Variants in VPS13D observed in about 807,000 individuals in gnomAD.
The protein encoded by VPS13D is intermembrane lipid transfer protein VPS13D.
Under a neutral mutation model 461.9 loss-of-function variants are expected in VPS13D, and 187 were observed. The ratio of observed to expected loss-of-function variants is 0.40; its 90% CI spans 0.36 to 0.46. The LOEUF is 0.46. Among genes scored for constraint, VPS13D ranks in the 20% least tolerant of loss-of-function variants. VPS13D has a pLI of 0.60. For synonymous variants in VPS13D, 1,951 were observed against 1,986.3 expected, an observed-to-expected ratio of 0.98 and a Z score of 0.47; for missense variants, 4,711 against 5,364.9, an observed-to-expected ratio of 0.88 and a Z score of 3.81.
At chr1:12,460,911 C>T (rs935303822) in intron 67 of VPS13D, among the ~76,000 whole-genome samples, 1 of 152,072 alleles carries the variant, frequency 6.6e-6, no homozygotes. Flanking sequence ...AAAGTATCAG[C>T]CCCAACCCCA....
rs141766764 is a variant in VPS13D at position 12,237,063 on chromosome 1, G to GTA, written c.97+2710_97+2711dup. ...GACTTCAAAGAGATTGTGTGTGTGT[G>GTA]TATATATATATCTGTGTATGTATAT... On this transcript the variant is annotated intron_variant, in intron 2 of 69. Coordinates refer to ENST00000620676, the MANE Select transcript of VPS13D (RefSeq NM_015378.4). 7.9e-5 allele frequency among the ~76,000 whole-genome samples: 12 copies of GTA among 151,380 alleles called. 1 individual carries two copies. In the East Asian group the frequency reaches 1.2e-3, roughly 15 times the overall value.
At chr1:12,258,671 T>G (rs893367931) in intron 10 of VPS13D, among the ~76,000 whole-genome samples, 5 of 152,208 alleles carry the variant, frequency 3.3e-5, no homozygotes, top group Non-Finnish European at 7.3e-5. Context: ...TGCTCTCTTT[T>G]GGGGGAAGGT....
At chr1:12,252,430 A>G (rs1276915215) in intron 6 of VPS13D, among the ~76,000 whole-genome samples, 3 of 152,076 alleles carry the variant, frequency 2.0e-5, no homozygotes, top group Admixed American at 6.5e-5. Flanking sequence ...ACCCTTCCAT[A>G]TCCTCAGGTT....
chr1:12,249,679 A>C (rs550357910), intron 6 of VPS13D: 1 of 166,712 alleles, frequency 6.0e-6, no homozygotes, highest in African/African-American at 2.4e-5. Context: ...GGAATATTTG[A>C]TGATGGCTTC....
rs570213911 is a variant in VPS13D, at chr1:12,391,257, G to A, written c.11634+4923G>A. Among the ~76,000 whole-genome samples the A allele has an allele frequency of 2.6e-5, 4 of 152,358 alleles. No homozygotes were observed. In the East Asian group the frequency reaches 5.8e-4, roughly 22 times the overall value. ...TTCGGGGATGTCCTAGAAAGGGGCT[G>A]TAGTGCTGCAGCTGTCCACTTTTGG... On this transcript the variant is annotated intron_variant, in intron 60 of 69. Coordinates refer to ENST00000620676, the MANE Select transcript of VPS13D (RefSeq NM_015378.4).
At chr1:12,293,733 T>C (rs768521687) in intron 24 of VPS13D, 29 bp downstream of exon 24, 9 of 1,601,248 alleles carry the variant, frequency 5.6e-6, no homozygotes, top group South Asian at 1.1e-5. Flanking sequence ...CCAAGCTGCT[T>C]TTCCAGTTTG....
chr1:12,504,905 G>A (rs1478658053), intron 68 of VPS13D, among the ~76,000 whole-genome samples: 2 of 152,180 alleles, frequency 1.3e-5, no homozygotes, highest in African/African-American at 4.8e-5. Flanking sequence ...ACATGTAAAT[G>A]TCAGCTATGT....
chr1:12,372,712 T>A (rs1459859408), intron 54 of VPS13D, among the ~76,000 whole-genome samples: 2 of 152,078 alleles, frequency 1.3e-5, no homozygotes, highest in East Asian at 3.8e-4. Flanking sequence ...TTTGGTCACA[T>A]ATAATTTATC....
chr1:12,237,147 G>GTA (rs141683005), intron 2 of VPS13D, among the ~76,000 whole-genome samples: 12,535 of 151,700 alleles, frequency 0.083, 913 homozygotes, highest in African/African-American at 0.18. Context: ...ATGTGTGTGT[G>GTA]TATATATATG....
Position 12,400,276 on chromosome 1 carries a change from G to T in VPS13D, c.11730G>T (p.Val3910=). The stretch of plus-strand genomic sequence containing the variant: ...AGGTCATCGAGACCGGCCCAGCTGT[G>T]CAAGTCAACGCAGTGAAGTTCCCCA... ...ENEVIETGPA[V]QVNAVKFPSK... The change falls in exon 61 of 70, where the codon GTG becomes GTT. Residue 3910 remains valine, a synonymous_variant. Transcript: ENST00000620676. 1 of 1,614,172 alleles carries T rather than the reference G, an allele frequency of 6.2e-7. No individual in the cohort carries two copies. The highest frequency in any genetic ancestry group is 8.5e-7 in the Non-Finnish European group (1 of 1,180,042).
At chr1:12,354,881 T>C (rs1037034215) in intron 47 of VPS13D, among the ~76,000 whole-genome samples, 2 of 152,114 alleles carry the variant, frequency 1.3e-5, no homozygotes, top group African/African-American at 2.4e-5. Flanking sequence ...GTTGTAAGGG[T>C]TGTTAAAAGG....
intron 57 of VPS13D, among the ~76,000 whole-genome samples, chr1:12,380,534 C>G (rs1447687064): frequency 6.6e-6 from 1 of 152,222 alleles, no homozygotes; most frequent in Non-Finnish European, 1.5e-5. Flanking sequence ...ATGTGTTTGG[C>G]AAATTACCAA....
At chr1:12,431,057 G>A (rs536330128) in intron 65 of VPS13D, among the ~76,000 whole-genome samples, 1 of 152,252 alleles carries the variant, frequency 6.6e-6, no homozygotes, top group Non-Finnish European at 1.5e-5. Context: ...TCTGTAAAAG[G>A]TAAAAACATA....
intron 10 of VPS13D, among the ~76,000 whole-genome samples, chr1:12,259,490 G>T (rs998751357): frequency 2.0e-5 from 3 of 151,822 alleles, no homozygotes; most frequent in Non-Finnish European, 2.9e-5. Flanking sequence ...CATTTATAGA[G>T]ACAGGGTTTC....
chr1:12,259,050 T>G lies in VPS13D; in HGVS notation c.1110+947T>G, dbSNP rs1414641763. ...TCTTTTCTTTTCTTCTTCTTCTTTT[T>G]TTTTTTTGTGTGACAAGGTCTGGCT... On this transcript the variant is annotated intron_variant, in intron 10 of 69. Coordinates refer to ENST00000620676, the MANE Select transcript of VPS13D (RefSeq NM_015378.4). Among the ~76,000 whole-genome samples the G allele has an allele frequency of 3.9e-5, 6 of 152,060 alleles. No homozygotes were observed. In the East Asian group the frequency reaches 9.6e-4, roughly 24 times the overall value.
intron 57 of VPS13D, among the ~76,000 whole-genome samples, chr1:12,381,680 T>A (rs1305196079): frequency 1.3e-5 from 2 of 152,212 alleles, no homozygotes; most frequent in Non-Finnish European, 2.9e-5. Context: ...CAGACTGTGT[T>A]CAAATAAGGC....
rs780606382 is a variant in VPS13D at position 12,273,143 on chromosome 1, G to A, written c.2236+8G>A. 1 of 1,612,622 alleles carries A rather than the reference G, an allele frequency of 6.2e-7. No individual in the cohort carries two copies. Reference sequence around the variant, plus strand: ...TTTTGACGAACACCCAAGGTATAGTGTGAGTGGGAAATAATGAAAACCTGC... The same window carrying A: ...TTTTGACGAACACCCAAGGTATAGTATGAGTGGGAAATAATGAAAACCTGC... On this transcript the variant is annotated splice_region_variant and intron_variant, in intron 18 of 69. Transcript: ENST00000620676.
At chr1:12,268,431 T>G (rs1641340440) in intron 15 of VPS13D, among the ~76,000 whole-genome samples, 1 of 152,032 alleles carries the variant, frequency 6.6e-6, no homozygotes, top group African/African-American at 2.4e-5. Flanking sequence ...TCAGTGGAGC[T>G]GCGAACTTGG....
chr1:12,445,975 A>G (rs1645187466), intron 65 of VPS13D, among the ~76,000 whole-genome samples: 1 of 152,264 alleles, frequency 6.6e-6, no homozygotes, highest in Non-Finnish European at 1.5e-5. Flanking sequence ...GAAGTGAAGT[A>G]TCAGCTTTGC....
Sources: allele counts gnomAD v4.1 joint callset (sites outside exome capture counted in the v4.1 genomes callset), GRCh38; gene constraint gnomAD v4.1.1; transcripts MANE v1.5; gene names NCBI Gene and HGNC (gene_info 2026-07-23, HGNC 2026-07-21).